PCDHGA11: variants seen among roughly 807,000 people sequenced by gnomAD.
The protein encoded by PCDHGA11 is protocadherin gamma subfamily A, 11, also known as protocadherin gamma-A11.
In PCDHGA11, 39 loss-of-function variants were observed where a neutral mutation model predicts 60.4. The ratio of observed to expected loss-of-function variants is 0.65; its 90% CI spans 0.50 to 0.84. The LOEUF (loss-of-function observed/expected upper bound fraction) is 0.84. Among genes scored for constraint, PCDHGA11 ranks in the 40% least tolerant of loss-of-function variants. The pLI, the probability that PCDHGA11 is intolerant of heterozygous loss-of-function variation, is 0.00. For synonymous variants in PCDHGA11, 533 were observed against 510.3 expected (o/e 1.04, Z -0.60); for missense variants, 1,165 against 1,197.7 (o/e 0.97, Z 0.40).
chr5:141,461,438 T>C (rs1034260263), intron 1 of PCDHGA11, among the ~76,000 whole-genome samples: 3 of 152,200 alleles, frequency 2.0e-5, no homozygotes, highest in African/African-American at 7.2e-5. Flanking sequence ...GTATACCTTC[T>C]TTTGAGAAAT....
At chr5:141,433,640 A>C (rs2097637476) in intron 1 of PCDHGA11, among the ~76,000 whole-genome samples, 2 of 152,138 alleles carry the variant, frequency 1.3e-5, no homozygotes, top group South Asian at 2.1e-4. Flanking sequence ...GTTTGAGACC[A>C]GCCTGACCAA....
In PCDHGA11 at chr5:141,476,516, G is replaced by T. The variant is rs1042414523; in HGVS notation, c.2434-18291G>T. 1 of 1,614,016 alleles carries T rather than the reference G, an allele frequency of 6.2e-7. No individual in the cohort carries two copies. The highest frequency in any genetic ancestry group is 8.5e-7 in the Non-Finnish European group (1 of 1,180,022). ...CCAGGACATCAACGACAACAATCCT[G>T]CTTTCCCTACCCAGGAAATGAAATT... On this transcript the variant is annotated intron_variant, in intron 1 of 3. Transcript: ENST00000398587. The surrounding 1 kb of genome is among the most constrained non-coding windows in gnomAD (Gnocchi z 7.6).
In PCDHGA11 at chr5:141,476,501, A is replaced by G; in HGVS notation, c.2434-18306A>G. 1.2e-6 allele frequency: 2 copies of G among 1,614,026 alleles called. No homozygotes were observed. Among genetic ancestry groups the G allele is most frequent in the Non-Finnish European group, 1.7e-6 (2 of 1,180,006 alleles). On this transcript the variant is annotated intron_variant, in intron 1 of 3. Coordinates refer to ENST00000398587, the MANE Select transcript of PCDHGA11 (RefSeq NM_018914.3). The surrounding 1 kb of genome is among the most constrained non-coding windows in gnomAD (Gnocchi z 7.6). ...CGTGGAAGTGGTGATCCAGGACATCAACGACAACAATCCTGCTTTCCCTAC... is the reference window on the plus strand; with the variant it reads ...CGTGGAAGTGGTGATCCAGGACATCGACGACAACAATCCTGCTTTCCCTAC...
rs1254986724 is a variant in PCDHGA11, at chr5:141,490,928, C to G, written c.2434-3879C>G. ...CTAGACGAGAATGATAATGCCCCAGCTGTGCTGCACCCACGGCCAGACTGG... is the reference window on the plus strand; with the variant it reads ...CTAGACGAGAATGATAATGCCCCAGGTGTGCTGCACCCACGGCCAGACTGG... On this transcript the variant is annotated intron_variant, in intron 1 of 3. Transcript: ENST00000398587. The surrounding 1 kb of genome is among the most constrained non-coding windows in gnomAD (Gnocchi z 5.4). 2 of 1,613,466 alleles carry G rather than the reference C, an allele frequency of 1.2e-6. No homozygotes were observed. Among genetic ancestry groups the G allele is most frequent in the Non-Finnish European group, 1.7e-6 (2 of 1,179,624 alleles).
chr5:141,507,368 T>C (rs1446319165), intron 3 of PCDHGA11: 2 of 152,094 alleles, frequency 1.3e-5, no homozygotes, highest in Non-Finnish European at 2.9e-5. Context: ...GGGAGCCCTG[T>C]ACTTTTATTT....
At chr5:141,444,880 G>C (rs527554886) in intron 1 of PCDHGA11, among the ~76,000 whole-genome samples, 5 of 152,268 alleles carry the variant, frequency 3.3e-5, no homozygotes, top group Admixed American at 1.3e-4. Flanking sequence ...AAGCTTGTAG[G>C]ATTTTTGAAT....
chr5:141,467,878 C>T (rs937986234), intron 1 of PCDHGA11, among the ~76,000 whole-genome samples: 8 of 151,998 alleles, frequency 5.3e-5, no homozygotes, highest in Non-Finnish European at 7.4e-5. Flanking sequence ...AGGCTGGTCT[C>T]AAACTCCTGA....
intron 2 of PCDHGA11, among the ~76,000 whole-genome samples, chr5:141,501,109 C>T (rs909874167): frequency 2.0e-5 from 3 of 152,106 alleles, no homozygotes; most frequent in South Asian, 2.1e-4. Context: ...CCTCGTGATC[C>T]GCCTGCCTCA....
rs773729429 is a variant in PCDHGA11, at chr5:141,491,406, C to T, written c.2434-3401C>T. ...CGAAGTGCCTTCAGGGAAACGCAGA[C>T]GGGGACGGGGGTGGAGGGCAGTGCT... On this transcript the variant is annotated intron_variant, in intron 1 of 3. Transcript: ENST00000398587. The surrounding 1 kb of genome is among the most constrained non-coding windows in gnomAD (Gnocchi z 6.9). The T allele has an allele frequency of 1.2e-6, 2 of 1,614,096 alleles. No homozygotes were observed. The highest frequency in any genetic ancestry group is 1.7e-6 in the Non-Finnish European group (2 of 1,179,990).
At chr5:141,481,282 T>C (rs2099534931) in intron 1 of PCDHGA11, among the ~76,000 whole-genome samples, 1 of 152,148 alleles carries the variant, frequency 6.6e-6, no homozygotes, top group African/African-American at 2.4e-5. Flanking sequence ...CATAAAATGG[T>C]ATTTCAGTCA....
Position 141,422,883 on chromosome 5 carries a change from C to A in PCDHGA11, c.1656C>A (p.Phe552Leu). 1 of 1,614,242 alleles carries A rather than the reference C, an allele frequency of 6.2e-7. No individual in the cohort carries two copies. Among genetic ancestry groups the A allele is most frequent in the Non-Finnish European group, 8.5e-7 (1 of 1,180,040 alleles). ...GCAGCAACGTGTCGCTGAGCCTGTT[C>A]GTGCTGGACCAGAACGACAATGCGC... ...PLSSNVSLSL[F>L]VLDQNDNAPE... The change falls in exon 1 of 4, where the codon TTC becomes TTA. Residue 552 changes from phenylalanine to leucine, a missense_variant. Transcript: ENST00000398587.
At chr5:141,478,864 A>G in intron 1 of PCDHGA11, 1 of 1,322,156 alleles carries the variant, frequency 7.6e-7, no homozygotes, top group Non-Finnish European at 1.0e-6. Flanking sequence ...GATCTCAGCG[A>G]TCAGAGTTTA....
At position 141,481,880 on chromosome 5, in the gene PCDHGA11, C is replaced by T. The variant is rs555652518; in HGVS notation, c.2434-12927C>T. Among the ~76,000 whole-genome samples, 5 of 145,406 alleles carry T rather than the reference C, an allele frequency of 3.4e-5. No individual in the cohort carries two copies. The East Asian group carries it at 1.0e-3, about 29-fold the overall frequency. On this transcript the variant is annotated intron_variant, in intron 1 of 3. Transcript: ENST00000398587. ...AGTGAGCCGAGATCGCGCCACTGCA[C>T]TCCAGCCTGGGTGAAAGAGCGAAAC...
At position 141,489,397 on chromosome 5, in the gene PCDHGA11, G is replaced by A. The variant is rs1307106048; in HGVS notation, c.2434-5410G>A. 2.5e-6 allele frequency: 4 copies of A among 1,614,058 alleles called. No homozygotes were observed. The highest frequency in any genetic ancestry group is 2.7e-5 in the African/African-American group (2 of 74,914). ...GGTGGGGAATGTTGCTCAGGATCTG[G>A]GCTTAAAGATGACAGATCTGTTGAG... On this transcript the variant is annotated intron_variant, in intron 1 of 3. Transcript: ENST00000398587. This position sits in a 1 kb window ranked among gnomAD's most constrained non-coding sequence, Gnocchi z 4.5.
chr5:141,478,589 T>C, intron 1 of PCDHGA11: 2 of 1,573,336 alleles, frequency 1.3e-6, no homozygotes, highest in Non-Finnish European at 1.7e-6. Context: ...AGTGCTTTTT[T>C]ATTCCTACAT....
chr5:141,502,457 A>G lies in PCDHGA11; in HGVS notation c.2493-2936A>G, dbSNP rs950959171. 6.6e-5 allele frequency among the ~76,000 whole-genome samples: 10 copies of G among 151,926 alleles called. No individual in the cohort carries two copies. The South Asian group carries it at 1.7e-3, about 25-fold the overall frequency. On this transcript the variant is annotated intron_variant, in intron 2 of 3. Coordinates refer to ENST00000398587, the MANE Select transcript of PCDHGA11 (RefSeq NM_018914.3). The stretch of plus-strand genomic sequence containing the variant: ...TTAGATTCAGATTACACACCTTGGT[A>G]GGAATACTTCCCGCAGCATCACACT...
chr5:141,488,690 G>A (rs1292736219), intron 1 of PCDHGA11, among the ~76,000 whole-genome samples: 1 of 152,186 alleles, frequency 6.6e-6, no homozygotes, highest in African/African-American at 2.4e-5. Flanking sequence ...TCTCCCAGAA[G>A]GACAAGATTT....
chr5:141,508,928 G>A (rs1475005703), intron 3 of PCDHGA11, among the ~76,000 whole-genome samples: 1 of 152,076 alleles, frequency 6.6e-6, no homozygotes, highest in East Asian at 1.9e-4. Flanking sequence ...TCCTTTTGGA[G>A]TTAATTAGGG....
At position 141,487,534 on chromosome 5, in the gene PCDHGA11, G is replaced by T; in HGVS notation, c.2434-7273G>T. The T allele has an allele frequency of 6.2e-7, 1 of 1,614,174 alleles. No homozygotes were observed. The highest frequency in any genetic ancestry group is 8.5e-7 in the Non-Finnish European group (1 of 1,180,034). ...CCACTCGGAGTGATAGCTTCATGAT[G>T]GTGAAGTCACCCAGTGCACCTATGG... On this transcript the variant is annotated intron_variant, in intron 1 of 3. Coordinates refer to ENST00000398587, the MANE Select transcript of PCDHGA11 (RefSeq NM_018914.3). This position sits in a 1 kb window ranked among gnomAD's most constrained non-coding sequence, Gnocchi z 5.0.
Sources: allele counts gnomAD v4.1 joint callset (sites outside exome capture counted in the v4.1 genomes callset), GRCh38; gene constraint gnomAD v4.1.1; non-coding constraint Gnocchi (gnomAD v3.1); transcripts MANE v1.5; gene names NCBI Gene and HGNC (gene_info 2026-07-23, HGNC 2026-07-21).